The following CEMIP variants were observed in gnomAD, a reference collection of about 807,000 sequenced individuals.
CEMIP encodes the protein cell migration-inducing and hyaluronan-binding protein.
A neutral mutation model predicts 156.9 loss-of-function variants in CEMIP; 105 were observed. That is an observed-to-expected ratio of 0.67 (90% confidence interval 0.57 to 0.79). The LOEUF is 0.79. Ranked by LOEUF, CEMIP falls within the 30% of genes least tolerant of loss-of-function variation. CEMIP has a pLI of 0.00. For synonymous variants in CEMIP, 676 were observed against 668.4 expected (o/e 1.01, Z -0.17); for missense variants, 1,457 against 1,769.4 (o/e 0.82, Z 3.17).
chr15:80,943,653 CTCTT>C (rs1901428093), intron 28 of CEMIP, among the ~76,000 whole-genome samples: 1 of 152,162 alleles, frequency 6.6e-6, no homozygotes, highest in Non-Finnish European at 1.5e-5. Context: ...TGTTTGTCTC[CTCTT>C]TCTTTCCTCC....
intron 23 of CEMIP, 69 bp downstream of exon 23, chr15:80,933,529 T>C (rs754259273): frequency 1.5e-4 from 188 of 1,215,222 alleles, no homozygotes; most frequent in Non-Finnish European, 2.2e-4. Flanking sequence ...AGTGAGTGTC[T>C]ACTCTATGCC....
chr15:80,924,731 G>A, intron 18 of CEMIP, 25 bp downstream of exon 18: 2 of 1,602,256 alleles, frequency 1.2e-6, no homozygotes, highest in Non-Finnish European at 1.7e-6. Flanking sequence ...GGAAGACACA[G>A]TCCACGGTGA....
chr15:80,786,007 T>G (rs1161296064), intron 1 of CEMIP, among the ~76,000 whole-genome samples: 1 of 152,088 alleles, frequency 6.6e-6, no homozygotes, highest in Non-Finnish European at 1.5e-5. Context: ...CACAAAATGC[T>G]TTTTTTGCGA....
chr15:80,828,384 GA>G (rs71975281), intron 1 of CEMIP, among the ~76,000 whole-genome samples: 4,920 of 139,990 alleles, frequency 0.035, 212 homozygotes, highest in African/African-American at 0.1. Flanking sequence ...TGTCTCAAAA[GA>G]AAAAAAAAAA....
intron 1 of CEMIP, among the ~76,000 whole-genome samples, chr15:80,792,880 A>G (rs969031888): frequency 1.8e-4 from 27 of 152,288 alleles, no homozygotes; most frequent in African/African-American, 6.5e-4. Flanking sequence ...TTGTATCTCC[A>G]GAACTGAGAC....
intron 1 of CEMIP, among the ~76,000 whole-genome samples, chr15:80,790,244 T>A (rs1896046954): frequency 6.6e-6 from 1 of 152,238 alleles, no homozygotes; most frequent in Non-Finnish European, 1.5e-5. Flanking sequence ...AATATTCAAA[T>A]GAATGAGTCC....
chr15:80,802,931 G>A (rs1462038572), intron 1 of CEMIP, among the ~76,000 whole-genome samples: 1 of 152,194 alleles, frequency 6.6e-6, no homozygotes, highest in East Asian at 1.9e-4. Flanking sequence ...GTCTTAGTCA[G>A]TTTGGGCTGC....
rs1471372069 is a variant in CEMIP at position 80,884,341 on chromosome 15, C to A, written c.784C>A (p.His262Asn). 7 of 1,614,170 alleles carry A rather than the reference C, an allele frequency of 4.3e-6. No homozygotes were observed. Among genetic ancestry groups the A allele is most frequent in the Non-Finnish European group, 5.9e-6 (7 of 1,180,030 alleles). The change falls in exon 7 of 30, where the codon CAC becomes AAC. Residue 262 changes from histidine to asparagine, a missense_variant. Around this residue, in one of 5 missense-constraint regions of CEMIP, gnomAD observed 309 missense variants for 340.8 expected, o/e 0.91. Transcript: ENST00000394685. ...MTKLGSKHFL[H>N]LGFRHPWSFL... ...CAAATTGGGAAGCAAACACTTCCTGCACCTTGGATTTAGGTACTGCCCCTC... is the reference window on the plus strand; with the variant it reads ...CAAATTGGGAAGCAAACACTTCCTGAACCTTGGATTTAGGTACTGCCCCTC...
intron 18 of CEMIP, among the ~76,000 whole-genome samples, 173 bp downstream of exon 18, chr15:80,924,879 T>G (rs1342735596): frequency 6.6e-6 from 1 of 152,214 alleles, no homozygotes; most frequent in Non-Finnish European, 1.5e-5. Flanking sequence ...GGGTAAAGTC[T>G]GAATTAGGAT....
chr15:80,835,933 GTTTATT>G (rs1158060522), intron 1 of CEMIP, among the ~76,000 whole-genome samples: 2 of 149,888 alleles, frequency 1.3e-5, no homozygotes, highest in South Asian at 4.2e-4. Flanking sequence ...ATATCTACAT[GTTTATT>G]TTTAAGTGTT....
rs1899797609 is a variant in CEMIP, at chr15:80,906,247, C to T, written c.1412-416C>T. Reference sequence around the variant, plus strand: ...GCATGGGCGAGGCTGGCCTGCCAGCCCCCAGAAAAGAGCAAGAGGAGGGCA... The same window carrying T: ...GCATGGGCGAGGCTGGCCTGCCAGCTCCCAGAAAAGAGCAAGAGGAGGGCA... On this transcript the variant is annotated intron_variant, in intron 12 of 29. Transcript: ENST00000394685. This position sits in a 1 kb window ranked among gnomAD's most constrained non-coding sequence, Gnocchi z 4.3. Among the ~76,000 whole-genome samples, 1 of 152,098 alleles carries T rather than the reference C, an allele frequency of 6.6e-6. No individual in the cohort carries two copies. Among genetic ancestry groups the T allele is most frequent in the South Asian group, 2.1e-4 (1 of 4,814 alleles).
intron 1 of CEMIP, among the ~76,000 whole-genome samples, chr15:80,801,920 T>A (rs1429575981): frequency 6.6e-6 from 1 of 152,240 alleles, no homozygotes; most frequent in Admixed American, 6.5e-5. Context: ...GTATTATAAG[T>A]AATCTAGAGA....
intron 1 of CEMIP, among the ~76,000 whole-genome samples, chr15:80,801,681 G>A (rs1479803521): frequency 2.0e-5 from 3 of 152,168 alleles, no homozygotes; most frequent in Non-Finnish European, 4.4e-5. Flanking sequence ...ATGGTTGATT[G>A]ATTTTTGTGA....
chr15:80,780,370 GGT>G (rs930156207), intron 1 of CEMIP, among the ~76,000 whole-genome samples: 1 of 152,364 alleles, frequency 6.6e-6, no homozygotes, highest in African/African-American at 2.4e-5. Context: ...ACGCTGGCCA[GGT>G]CTCCAGCTCG....
intron 10 of CEMIP, among the ~76,000 whole-genome samples, chr15:80,891,395 C>T (rs1371317269): frequency 1.3e-5 from 2 of 152,192 alleles, no homozygotes; most frequent in Non-Finnish European, 2.9e-5. Context: ...TTCATAGGGA[C>T]CCAACCCTAC....
At position 80,897,153 on chromosome 15, in the gene CEMIP, A is replaced by G. The variant is rs141399684; in HGVS notation, c.1411+1093A>G. ...GGGGAATCAGAACTTAAGAGGTGTTAAACGTATCACATGCTACAGGACCAT... is the reference window on the plus strand; with the variant it reads ...GGGGAATCAGAACTTAAGAGGTGTTGAACGTATCACATGCTACAGGACCAT... On this transcript the variant is annotated intron_variant, in intron 12 of 29. Coordinates refer to ENST00000394685, the MANE Select transcript of CEMIP (RefSeq NM_001293298.2). 241 of 389,944 alleles carry G rather than the reference A, an allele frequency of 6.2e-4. 1 individual carries two copies. The highest frequency in any genetic ancestry group is 9.0e-4 in the Non-Finnish European group (174 of 193,082). 24.2% of individuals were successfully genotyped at this position (389,944 alleles called of 1,614,324 possible).
chr15:80,855,928 T>C lies in CEMIP; in HGVS notation c.-175-17610T>C, dbSNP rs147691249. On this transcript the variant is annotated intron_variant, in intron 1 of 29. Transcript: ENST00000394685. ...ATATTAATGCAATTGGATATTTCTTTGCCATTCTAGGAAATTATCTACTGA... is the reference window on the plus strand; with the variant it reads ...ATATTAATGCAATTGGATATTTCTTCGCCATTCTAGGAAATTATCTACTGA... Among the ~76,000 whole-genome samples, 808 of 152,358 alleles carry C rather than the reference T, an allele frequency of 5.3e-3. 7 individuals carry two copies. The highest frequency in any genetic ancestry group is 0.019 in the African/African-American group (777 of 41,588).
At chr15:80,849,462 C>T (rs955169499) in intron 1 of CEMIP, among the ~76,000 whole-genome samples, 1 of 152,198 alleles carries the variant, frequency 6.6e-6, no homozygotes, top group Non-Finnish European at 1.5e-5. Context: ...TCTACTCCAG[C>T]CACAAACCTC....
intron 24 of CEMIP, 36 bp downstream of exon 24, chr15:80,936,921 A>G: frequency 6.3e-7 from 1 of 1,594,222 alleles, no homozygotes; most frequent in Non-Finnish European, 8.6e-7. Context: ...GTGAGCTCAA[A>G]GCTGATAACG....
Sources: gnomAD v4.1 joint callset for allele counts (sites outside exome capture counted in the v4.1 genomes callset) on GRCh38, gnomAD v4.1.1 for gene constraint, gnomAD v4.1.1 regional missense constraint, Gnocchi (gnomAD v3.1) non-coding constraint, MANE v1.5 for transcripts, NCBI Gene and HGNC (gene_info 2026-07-23, HGNC 2026-07-21) for gene names.